Variants in SP2 observed in about 807,000 individuals in gnomAD.
SP2 encodes the protein Sp2 transcription factor.
In SP2, 9 loss-of-function variants were observed where a neutral mutation model predicts 50.1. The ratio of observed to expected loss-of-function variants is 0.18; its 90% CI spans 0.11 to 0.31. SP2 has a LOEUF of 0.31. SP2 is among the 10% of genes least tolerant of loss of function. The probability of loss-of-function intolerance (pLI) is 1.00; values close to 1 mark genes in which losing one functional copy is unlikely to be tolerated. For missense variants in SP2, 581 were observed against 806.5 expected (o/e 0.72, Z 3.39); for synonymous variants, 313 against 326.6 (o/e 0.96, Z 0.45).
intron 1 of SP2, among the ~76,000 whole-genome samples, chr17:47,910,078 A>G (rs1423250733): frequency 6.6e-6 from 1 of 152,018 alleles, no homozygotes; most frequent in Non-Finnish European, 1.5e-5. Flanking sequence ...TGAACTCCTG[A>G]TACACCTGCC....
At chr17:47,911,370 C>CG (rs2034976661) in intron 1 of SP2, among the ~76,000 whole-genome samples, 1 of 151,322 alleles carries the variant, frequency 6.6e-6, no homozygotes, top group Non-Finnish European at 1.5e-5. Flanking sequence ...GGCAAAACCC[C>CG]GTCTCTACTA....
chr17:47,928,992 G>A (rs1230101795), downstream of SP2: 1 of 152,612 alleles, frequency 6.6e-6, no homozygotes, highest in Non-Finnish European at 1.5e-5. Context: ...TTTTCCCTTG[G>A]AGAGCTCGGA....
chr17:47,920,868 C>T (rs1475549834), intron 3 of SP2, among the ~76,000 whole-genome samples: 3 of 152,078 alleles, frequency 2.0e-5, no homozygotes, highest in African/African-American at 7.2e-5. Context: ...GTTGTGCAGC[C>T]ATTACCTCTA....
intron 1 of SP2, among the ~76,000 whole-genome samples, chr17:47,906,794 C>G (rs2034779730): frequency 6.6e-6 from 1 of 152,072 alleles, no homozygotes; most frequent in Admixed American, 6.6e-5. Context: ...AATGGAAGAC[C>G]CACAGAGGGC....
Position 47,916,451 on chromosome 17 carries a change from A to C in SP2, c.380A>C (p.Asn127Thr). Reference sequence around the variant, plus strand: ...ATGATCAACAAAGGGACCCGATCAAATGCCAATATCCAGTACCAGGCGGTC... The same window carrying C: ...ATGATCAACAAAGGGACCCGATCAACTGCCAATATCCAGTACCAGGCGGTC... ...PTMINKGTRS[N>T]ANIQYQAVPQ... The change falls in exon 3 of 7, where the codon AAT becomes ACT. Residue 127 changes from asparagine (N) to threonine (T), a missense_variant. This residue lies in a region of SP2 where 397 missense variants were observed against 491.0 expected (regional missense o/e 0.81). Coordinates refer to ENST00000376741, the MANE Select transcript of SP2 (RefSeq NM_003110.6). This position sits in a 1 kb window ranked among gnomAD's most constrained non-coding sequence, Gnocchi z 4.7. 1 of 1,614,122 alleles carries C rather than the reference A, an allele frequency of 6.2e-7. No individual in the cohort carries two copies. The highest frequency in any genetic ancestry group is 8.5e-7 in the Non-Finnish European group (1 of 1,180,012).
chr17:47,900,876 G>A (rs997929899), intron 1 of SP2, among the ~76,000 whole-genome samples: 1 of 152,198 alleles, frequency 6.6e-6, no homozygotes, highest in Non-Finnish European at 1.5e-5. Context: ...AGGGGAAAAA[G>A]TATATCTTGC....
At position 47,896,264 on chromosome 17, in the gene SP2, A is replaced by C. The variant is rs754580321; in HGVS notation, c.-23A>C. 15 of 1,239,296 alleles carry C rather than the reference A, an allele frequency of 1.2e-5. No individual in the cohort carries two copies. The East Asian group carries it at 3.8e-4, about 31-fold the overall frequency. The allele number at this position is 1,239,296 out of a possible 1,614,324, so 76.8% of individuals were successfully genotyped here. On this transcript the variant is annotated 5_prime_UTR_variant, in exon 1 of 7. Transcript: ENST00000376741. The stretch of plus-strand genomic sequence containing the variant: ...CTCTCGGTGGCGGCGGAGGCGGCGG[A>C]GGCCAGGGAGGAAGATGTCGTAATG...
In SP2 at chr17:47,923,022, G is replaced by A. The variant is rs2035519677; in HGVS notation, c.1120G>A (p.Ala374Thr). ...AGTCCTTGTCCAGGACAGCCCCCCA[G>A]CAACAGCTGCAGCCACCTCTAACAC... ...QTVLVQDSPP[A>T]TAAATSNTTC... The change falls in exon 4 of 7, where the codon GCA (alanine) becomes ACA (threonine). Residue 374 changes from alanine to threonine, a missense_variant. Ala to Thr is a moderately conservative substitution (Grantham distance 58). Around this residue, in one of 2 missense-constraint regions of SP2, gnomAD observed 397 missense variants for 491.0 expected, o/e 0.81. Coordinates refer to ENST00000376741, the MANE Select transcript of SP2 (RefSeq NM_003110.6). 10 of 1,614,124 alleles carry A rather than the reference G, an allele frequency of 6.2e-6. No homozygotes were observed. The highest frequency in any genetic ancestry group is 1.7e-5 in the Admixed American group (1 of 60,024).
rs2035711327 is a variant in SP2, at chr17:47,927,834, CGGCGG to C, written c.*12_*16del. Reference sequence around the variant, plus strand: ...CACGAAGAACTTGTAAGGCCAACTGCGGCGGGAGGCCCTGAAGATGCAGTCCCCCA... The same window carrying C: ...CACGAAGAACTTGTAAGGCCAACTGCGAGGCCCTGAAGATGCAGTCCCCCA... On this transcript the variant is annotated 3_prime_UTR_variant, in exon 7 of 7. Coordinates refer to ENST00000376741, the MANE Select transcript of SP2 (RefSeq NM_003110.6). The C allele has an allele frequency of 6.6e-7, 1 of 1,517,018 alleles. No individual in the cohort carries two copies. The highest frequency in any genetic ancestry group is 1.4e-5 in the African/African-American group (1 of 73,092). 94.0% of individuals were successfully genotyped at this position (1,517,018 alleles called of 1,614,324 possible).
intron 1 of SP2, among the ~76,000 whole-genome samples, chr17:47,907,923 A>G (rs992815401): frequency 6.6e-6 from 1 of 152,158 alleles, no homozygotes; most frequent in African/African-American, 2.4e-5. Flanking sequence ...TTCATTTCCA[A>G]ACATCAGTGG....
rs778894695 is a variant in SP2 at position 47,927,726 on chromosome 17, G to T, written c.1744G>T (p.Asp582Tyr). Residue 582 changes from aspartate (D) to tyrosine (Y), a missense_variant and splice_region_variant, in exon 7 of 7, where the codon GAC (aspartate) becomes TAC (tyrosine). Coordinates refer to ENST00000376741, the MANE Select transcript of SP2 (RefSeq NM_003110.6). ...TGATGGGCATCTCCTCTTCCCAGGG[G>T]ACAAACGCTTCGAGTGCGCCCAGTG... Reference protein sequence around the residue: ...LQRHARTHTGDKRFECAQCQK... With the variant: ...LQRHARTHTGYKRFECAQCQK... The T allele has an allele frequency of 2.5e-6, 4 of 1,575,740 alleles. No homozygotes were observed. Among genetic ancestry groups the T allele is most frequent in the Admixed American group, 1.8e-5 (1 of 54,080 alleles).
chr17:47,925,943 G>A (rs1223709856), intron 6 of SP2, among the ~76,000 whole-genome samples: 6 of 99,686 alleles, frequency 6.0e-5, no homozygotes, highest in Non-Finnish European at 1.1e-4. Context: ...TGGAGATGGA[G>A]TTTCGTTCTT....
At position 47,915,306 on chromosome 17, in the gene SP2, C is replaced by T. The variant is rs2035150522; in HGVS notation, c.8-6C>T. The T allele has an allele frequency of 6.2e-7, 1 of 1,606,110 alleles. No homozygotes were observed. ...ATACATTACTCCATCTCTTTTCTTC[C>T]AACAGATCCACAGACCAGCATGGCT... On this transcript the variant is annotated splice_polypyrimidine_tract_variant and splice_region_variant and intron_variant, in intron 1 of 6. Transcript: ENST00000376741.
At chr17:47,930,118 A>G (rs1444961252), downstream of SP2, 2 of 152,326 alleles carry the variant, frequency 1.3e-5, no homozygotes, top group African/African-American at 2.4e-5. Context: ...ACCTTGACAC[A>G]GAAGCCTCTT....
chr17:47,921,746 AATCAGCT>A (rs2035465950), intron 3 of SP2, among the ~76,000 whole-genome samples: 1 of 152,190 alleles, frequency 6.6e-6, no homozygotes, highest in Non-Finnish European at 1.5e-5. Context: ...CCAACCCTGG[AATCAGCT>A]ATTTCTCCAA....
intron 1 of SP2, among the ~76,000 whole-genome samples, chr17:47,912,442 C>CTT (rs536634603): frequency 1.1e-4 from 15 of 140,184 alleles, no homozygotes; most frequent in East Asian, 2.0e-4. Context: ...TCCACTTCAC[C>CTT]TTTTTTTTTT....
intron 1 of SP2, among the ~76,000 whole-genome samples, chr17:47,906,891 G>A (rs923466436): frequency 3.9e-5 from 6 of 152,186 alleles, no homozygotes; most frequent in South Asian, 2.1e-4. Flanking sequence ...ATGTAAAGCC[G>A]TGCGAGTAGG....
In SP2 at chr17:47,916,586, C is replaced by G. The variant is rs1449426126; in HGVS notation, c.515C>G (p.Ser172Cys). ...TNQAIITPSP[S>C]SHKPVPIKPA... is the part of the protein sequence containing the mutation. ...CAAGCCATCATCACCCCCTCACCGT[C>G]CAGTCACAAGCCTGTCCCCATCAAG... Residue 172 changes from serine to cysteine, a missense_variant, in exon 3 of 7, where the codon TCC becomes TGC. Coordinates refer to ENST00000376741, the MANE Select transcript of SP2 (RefSeq NM_003110.6). This position sits in a 1 kb window ranked among gnomAD's most constrained non-coding sequence, Gnocchi z 4.7. 1 of 1,614,060 alleles carries G rather than the reference C, an allele frequency of 6.2e-7. No homozygotes were observed. The highest frequency in any genetic ancestry group is 8.5e-7 in the Non-Finnish European group (1 of 1,180,022).
rs952552604 is a variant in SP2 at position 47,916,811 on chromosome 17, C to G, written c.740C>G (p.Ala247Gly). The change falls in exon 3 of 7, where the codon GCA (alanine) becomes GGA (glycine). Residue 247 changes from alanine to glycine, a missense_variant. Around this residue, in one of 2 missense-constraint regions of SP2, gnomAD observed 397 missense variants for 491.0 expected, o/e 0.81. Coordinates refer to ENST00000376741, the MANE Select transcript of SP2 (RefSeq NM_003110.6). The surrounding 1 kb of genome is among the most constrained non-coding windows in gnomAD (Gnocchi z 4.7). ...CCGCTGTCTAAGACTAACAAGAAAG[C>G]AAGGAAGAAGAGCCTTCCTGCCTCC... is the stretch of plus-strand genomic sequence containing the variant. ...PTPLSKTNKK[A>G]RKKSLPASQP... The G allele has an allele frequency of 1.2e-6, 2 of 1,613,972 alleles. No individual in the cohort carries two copies. The highest frequency in any genetic ancestry group is 2.7e-5 in the African/African-American group (2 of 74,924).
Sources: gnomAD v4.1 joint callset for allele counts (sites outside exome capture counted in the v4.1 genomes callset) on GRCh38, gnomAD v4.1.1 for gene constraint, gnomAD v4.1.1 regional missense constraint, Gnocchi (gnomAD v3.1) non-coding constraint, MANE v1.5 for transcripts, NCBI Gene and HGNC (gene_info 2026-07-23, HGNC 2026-07-21) for gene names.